The following FBXL17 variants were observed in gnomAD, a reference collection of about 807,000 sequenced individuals.
FBXL17 encodes the protein F-box and leucine rich repeat protein 17, also known as F-box/LRR-repeat protein 17.
Under a neutral mutation model 66.2 loss-of-function variants are expected in FBXL17, and 22 were observed. That is an observed-to-expected ratio of 0.33 (90% CI 0.24 to 0.47). FBXL17 has a LOEUF of 0.47. Among genes scored for constraint, FBXL17 ranks in the 20% least tolerant of loss-of-function variants. The probability of loss-of-function intolerance (pLI) is 1.00; values close to 1 mark genes in which losing one functional copy is unlikely to be tolerated. For missense variants in FBXL17, 878 were observed against 948.2 expected (o/e 0.93, Z 0.97); for synonymous variants, 474 against 400.5 (o/e 1.18, Z -2.19).
chr5:108,147,212 T>G (rs1265681669), intron 6 of FBXL17, among the ~76,000 whole-genome samples: 2 of 152,188 alleles, frequency 1.3e-5, no homozygotes, highest in African/African-American at 4.8e-5. Flanking sequence ...CAGCAAGAAC[T>G]CAGAGTTTTC....
chr5:108,176,722 A>G (rs1048680806), intron 6 of FBXL17, among the ~76,000 whole-genome samples: 1 of 152,136 alleles, frequency 6.6e-6, no homozygotes, highest in African/African-American at 2.4e-5. Context: ...AGTAAGTAGT[A>G]TTTCCTTAAA....
chr5:108,338,433 T>C (rs1185413678), intron 4 of FBXL17, among the ~76,000 whole-genome samples: 2 of 152,160 alleles, frequency 1.3e-5, no homozygotes, highest in Non-Finnish European at 2.9e-5. Flanking sequence ...AAGTGAATGA[T>C]AACCATCTAG....
intron 4 of FBXL17, among the ~76,000 whole-genome samples, chr5:108,251,465 C>T (rs1338814742): frequency 6.6e-6 from 1 of 152,022 alleles, no homozygotes; most frequent in Non-Finnish European, 1.5e-5. Flanking sequence ...CACTTAAATG[C>T]TTGTCCTCTT....
intron 6 of FBXL17, among the ~76,000 whole-genome samples, chr5:108,094,662 G>A (rs1749304715): frequency 6.6e-6 from 1 of 152,070 alleles, no homozygotes; most frequent in South Asian, 2.1e-4. Flanking sequence ...TGAAAGAAAG[G>A]TCTTTTTGTA....
At position 107,940,553 on chromosome 5, in the gene FBXL17, C is replaced by G. The variant is rs533144487; in HGVS notation, c.1823-59374G>C. Among the ~76,000 whole-genome samples, 72 of 152,130 alleles carry G rather than the reference C, an allele frequency of 4.7e-4. No homozygotes were observed. In the South Asian group the frequency reaches 0.014, roughly 30 times the overall value. ...AGTGGGGAAGGATATGGTCTCTTCTCCAAAGTATTTGCTAACACATGGAGA... is the reference window on the plus strand; with the variant it reads ...AGTGGGGAAGGATATGGTCTCTTCTGCAAAGTATTTGCTAACACATGGAGA... On this transcript the variant is annotated intron_variant, in intron 7 of 8. Transcript: ENST00000542267.
At chr5:108,049,561 C>G (rs1207389660) in intron 6 of FBXL17, among the ~76,000 whole-genome samples, 2 of 152,150 alleles carry the variant, frequency 1.3e-5, no homozygotes, top group Non-Finnish European at 2.9e-5. Context: ...ACCACCAGGC[C>G]TGCCGTGCAA....
At chr5:108,108,762 C>T (rs1749908911) in intron 6 of FBXL17, among the ~76,000 whole-genome samples, 1 of 151,314 alleles carries the variant, frequency 6.6e-6, no homozygotes, top group Non-Finnish European at 1.5e-5. Flanking sequence ...CCCCAGTGGG[C>T]CAAAAGACTC....
At chr5:108,063,000 GTTTTC>G (rs141290929) in intron 6 of FBXL17, among the ~76,000 whole-genome samples, 7,168 of 152,058 alleles carry the variant, frequency 0.047, 569 homozygotes, top group African/African-American at 0.16. Flanking sequence ...TACTTTTACT[GTTTTC>G]TTTTTGTATT....
chr5:108,302,529 C>T (rs1311116237), intron 4 of FBXL17, among the ~76,000 whole-genome samples: 2 of 151,724 alleles, frequency 1.3e-5, no homozygotes, highest in African/African-American at 4.8e-5. Flanking sequence ...ACTTACAAGA[C>T]ATAATTCTAC....
intron 6 of FBXL17, among the ~76,000 whole-genome samples, chr5:108,123,529 T>A (rs1160715856): frequency 2.0e-5 from 3 of 152,220 alleles, no homozygotes; most frequent in Admixed American, 6.5e-5. Flanking sequence ...TTTCTAGTGT[T>A]TTCATGTTAC....
intron 6 of FBXL17, among the ~76,000 whole-genome samples, chr5:108,077,839 T>C (rs1748613000): frequency 6.6e-6 from 1 of 152,136 alleles, no homozygotes; most frequent in African/African-American, 2.4e-5. Context: ...TAACTTAGAA[T>C]CACTAAGAAT....
chr5:108,239,497 G>A (rs1755758114), intron 4 of FBXL17, among the ~76,000 whole-genome samples: 1 of 152,146 alleles, frequency 6.6e-6, no homozygotes, highest in South Asian at 2.1e-4. Context: ...TGGCGCCTAT[G>A]GAGGAAGCAT....
intron 5 of FBXL17, among the ~76,000 whole-genome samples, chr5:108,219,928 C>CTTTTTTTTTTTTTTTTTTTTTTTCT: frequency 2.7e-5 from 1 of 37,432 alleles, no homozygotes; most frequent in Admixed American, 3.5e-4. Context: ...TTACTATTTC[C>CTTTTTTTTTTTTTTTTTTTTTTTCT]TTTTTTTTTT....
chr5:108,123,128 G>A (rs1233236241), intron 6 of FBXL17, among the ~76,000 whole-genome samples: 1 of 150,446 alleles, frequency 6.6e-6, no homozygotes, highest in Non-Finnish European at 1.5e-5. Context: ...TGTGATGGTG[G>A]TTGTGCATGT....
At chr5:108,284,256 G>C (rs556414389) in intron 4 of FBXL17, among the ~76,000 whole-genome samples, 64 of 151,928 alleles carry the variant, frequency 4.2e-4, no homozygotes, top group African/African-American at 1.3e-3. Context: ...AAAGATATCT[G>C]CATTCATATG....
intron 6 of FBXL17, among the ~76,000 whole-genome samples, chr5:108,150,793 G>A (rs1022902252): frequency 1.3e-4 from 20 of 152,146 alleles, no homozygotes; most frequent in African/African-American, 4.3e-4. Context: ...ACGATTTTCC[G>A]CATTATTGGT....
chr5:108,137,465 A>C (rs966256895), intron 6 of FBXL17, among the ~76,000 whole-genome samples: 6 of 152,024 alleles, frequency 3.9e-5, no homozygotes, highest in Admixed American at 3.9e-4. Context: ...ATCAGCCAAA[A>C]ACACTGTGTT....
In FBXL17 at chr5:108,097,440, A is replaced by G. The variant is rs191350144; in HGVS notation, c.1746-76439T>C. On this transcript the variant is annotated intron_variant, in intron 6 of 8. Transcript: ENST00000542267. ...CATTCTAGTTTTTAACAAAAGAACT[A>G]AGCAATTCATTTTTGCATGACTGAC... is the stretch of plus-strand genomic sequence containing the variant. 1.9e-3 allele frequency among the ~76,000 whole-genome samples: 287 copies of G among 152,334 alleles called. 1 individual carries two copies. Among genetic ancestry groups the G allele is most frequent in the Admixed American group, 6.5e-3 (99 of 15,302 alleles).
chr5:107,891,992 CTT>C (rs1216136712), intron 7 of FBXL17, among the ~76,000 whole-genome samples: 2 of 152,140 alleles, frequency 1.3e-5, no homozygotes, highest in African/African-American at 2.4e-5. Context: ...AACATCGTAA[CTT>C]AGCCTAGCCC....
Sources: gnomAD v4.1 joint callset for allele counts (sites outside exome capture counted in the v4.1 genomes callset) on GRCh38, gnomAD v4.1.1 for gene constraint, MANE v1.5 for transcripts, NCBI Gene and HGNC (gene_info 2026-07-23, HGNC 2026-07-21) for gene names.